Variants in TDRD3 observed in about 807,000 individuals in gnomAD.
The protein encoded by TDRD3 is tudor domain containing 3, also known as tudor domain-containing protein 3.
Under a neutral mutation model 86.7 loss-of-function variants are expected in TDRD3, and 45 were observed. The observed-to-expected ratio is 0.52, with a 90% CI of 0.41 to 0.67. The LOEUF (loss-of-function observed/expected upper bound fraction) is 0.67, where lower values mean the gene tolerates loss of function less well. Ranked by LOEUF, TDRD3 falls within the 30% of genes least tolerant of loss-of-function variation. The pLI is 0.00. For missense variants in TDRD3, 814 were observed against 889.0 expected, an observed-to-expected ratio of 0.92 and a Z score of 1.07; for synonymous variants, 298 against 301.7, an observed-to-expected ratio of 0.99 and a Z score of 0.13.
intron 7 of TDRD3, 63 bp downstream of exon 7, chr13:60,486,011 G>A: frequency 1.4e-6 from 2 of 1,454,396 alleles, no homozygotes; most frequent in Non-Finnish European, 1.8e-6. Context: ...GATTATTTGT[G>A]ATCGTTATTG....
intron 8 of TDRD3, among the ~76,000 whole-genome samples, chr13:60,495,405 G>A (rs1052579661): frequency 5.3e-5 from 8 of 152,072 alleles, no homozygotes; most frequent in Non-Finnish European, 8.8e-5. Context: ...GCCAGCTATC[G>A]TGAGAGACTG....
In TDRD3 at chr13:60,439,739, C is replaced by T; in HGVS notation, c.93C>T (p.Val31=). 1 of 1,544,078 alleles carries T rather than the reference C, an allele frequency of 6.5e-7. No homozygotes were observed. The change falls in exon 2 of 14, where the codon GTC becomes GTT. Residue 31 remains valine (V), a synonymous_variant. Coordinates refer to ENST00000377881, the MANE Select transcript of TDRD3 (RefSeq NM_001146070.2). ...CTTGCACAAGCTCTCCAGACAAAGTCAATGTAAATGACATCATCCTGATTG... is the reference window on the plus strand; with the variant it reads ...CTTGCACAAGCTCTCCAGACAAAGTTAATGTAAATGACATCATCCTGATTG... ...IEACTSSPDK[V]NVNDIILIAL...
At chr13:60,432,641 G>A (rs993121626) in intron 1 of TDRD3, among the ~76,000 whole-genome samples, 1 of 152,088 alleles carries the variant, frequency 6.6e-6, no homozygotes, top group Non-Finnish European at 1.5e-5. Flanking sequence ...ATCTTCGTAT[G>A]GGTAATTTTT....
chr13:60,437,331 G>A (rs1955144492), intron 1 of TDRD3, among the ~76,000 whole-genome samples: 1 of 151,564 alleles, frequency 6.6e-6, no homozygotes, highest in Admixed American at 6.6e-5. Context: ...TCACCATGTT[G>A]CTCAGGCTGG....
intron 12 of TDRD3, among the ~76,000 whole-genome samples, chr13:60,557,120 C>A (rs1469648431): frequency 6.6e-6 from 1 of 150,596 alleles, no homozygotes; most frequent in South Asian, 2.1e-4. Flanking sequence ...GCAGGAGAAT[C>A]GCTTGAACCC....
At chr13:60,534,310 C>T (rs1039403076) in intron 11 of TDRD3, among the ~76,000 whole-genome samples, 2 of 152,024 alleles carry the variant, frequency 1.3e-5, no homozygotes, top group African/African-American at 4.8e-5. Context: ...GAGAACTTGT[C>T]TCTAGAAATA....
intron 8 of TDRD3, among the ~76,000 whole-genome samples, chr13:60,503,329 C>T (rs1046195978): frequency 1.3e-5 from 2 of 152,110 alleles, no homozygotes; most frequent in African/African-American, 4.8e-5. Flanking sequence ...CAGAGCAAGA[C>T]AAGAATTGTC....
chr13:60,525,788 T>A (rs1957416402), intron 10 of TDRD3, among the ~76,000 whole-genome samples: 1 of 152,166 alleles, frequency 6.6e-6, no homozygotes, highest in South Asian at 2.1e-4. Flanking sequence ...TGAGAGTGCT[T>A]GAGTACATAA....
At chr13:60,443,130 T>A (rs920630198) in intron 2 of TDRD3, among the ~76,000 whole-genome samples, 4 of 152,014 alleles carry the variant, frequency 2.6e-5, no homozygotes, top group Non-Finnish European at 5.9e-5. Flanking sequence ...GTACATGTTT[T>A]ATACTCACTA....
intron 12 of TDRD3, among the ~76,000 whole-genome samples, chr13:60,552,718 G>T (rs901193910): frequency 6.6e-6 from 1 of 152,302 alleles, no homozygotes; most frequent in East Asian, 1.9e-4. Context: ...AGGCTTTCCC[G>T]TACATCCTCT....
chr13:60,555,829 A>G (rs1958169125), intron 12 of TDRD3, among the ~76,000 whole-genome samples: 1 of 151,386 alleles, frequency 6.6e-6, no homozygotes, highest in Non-Finnish European at 1.5e-5. Context: ...ATAGGGTAGG[A>G]AAAAAAACCA....
chr13:60,527,880 A>G (rs1032002518), intron 10 of TDRD3, among the ~76,000 whole-genome samples: 3 of 152,190 alleles, frequency 2.0e-5, no homozygotes, highest in Non-Finnish European at 4.4e-5. Flanking sequence ...ACACTTAGCA[A>G]TTCCAGATCC....
Position 60,485,935 on chromosome 13 carries a change from C to A in TDRD3, c.704C>A (p.Ala235Glu). The change falls in exon 7 of 14, where the codon GCA becomes GAA. Residue 235 changes from alanine (A) to glutamate (E), a missense_variant. Transcript: ENST00000377881. ...KQRTAAIAEV[A>E]KSKETKTFGG... ...AGGACGGCTGCTATTGCTGAAGTTG[C>A]AAAGAGCAAGGAAGTAAGAAATCAA... The A allele has an allele frequency of 6.2e-7, 1 of 1,607,640 alleles. No homozygotes were observed.
intron 8 of TDRD3, among the ~76,000 whole-genome samples, chr13:60,499,755 G>A (rs941650995): frequency 6.6e-6 from 1 of 152,210 alleles, no homozygotes; most frequent in African/African-American, 2.4e-5. Context: ...TCGTTCTAAG[G>A]TGAAGGATAA....
chr13:60,430,491 C>T (rs1212816873), intron 1 of TDRD3, among the ~76,000 whole-genome samples: 1 of 152,068 alleles, frequency 6.6e-6, no homozygotes, highest in East Asian at 1.9e-4. Context: ...TAAAAAGTAA[C>T]CCCAGTTCTG....
At chr13:60,436,694 T>C (rs1210239642) in intron 1 of TDRD3, among the ~76,000 whole-genome samples, 1 of 152,178 alleles carries the variant, frequency 6.6e-6, no homozygotes, top group Non-Finnish European at 1.5e-5. Flanking sequence ...ATTTTAAGTC[T>C]AGCAATGTGA....
chr13:60,469,630 G>T (rs796324007), intron 5 of TDRD3, among the ~76,000 whole-genome samples: 28 of 152,112 alleles, frequency 1.8e-4, no homozygotes, highest in African/African-American at 6.3e-4. Flanking sequence ...TATAGTTTTT[G>T]ATTTGGTAGC....
intron 3 of TDRD3, among the ~76,000 whole-genome samples, chr13:60,446,735 A>G (rs1263263664): frequency 2.6e-5 from 4 of 152,270 alleles, no homozygotes; most frequent in African/African-American, 9.6e-5. Context: ...AAACCAGAGT[A>G]CATATTCAAG....
In TDRD3 at chr13:60,542,174, T is replaced by G. The variant is rs921029825; in HGVS notation, c.2118+6941T>G. ...CTCCTGGAAGTGCAAATTTTATCTT[T>G]TCATTTACTTTACTTATAGATACTT... is the stretch of plus-strand genomic sequence containing the variant. On this transcript the variant is annotated intron_variant, in intron 12 of 13. Coordinates refer to ENST00000377881, the MANE Select transcript of TDRD3 (RefSeq NM_001146070.2). Among the ~76,000 whole-genome samples the G allele has an allele frequency of 2.7e-4, 41 of 152,296 alleles. No individual in the cohort carries two copies. The Middle Eastern group carries it at 0.01, about 38-fold the overall frequency.
Sources: allele counts gnomAD v4.1 joint callset (sites outside exome capture counted in the v4.1 genomes callset), GRCh38; gene constraint gnomAD v4.1.1; transcripts MANE v1.5; gene names NCBI Gene and HGNC (gene_info 2026-07-23, HGNC 2026-07-21).